Variants in RBFOX2 observed in about 807,000 individuals in gnomAD.
The protein encoded by RBFOX2 is RNA binding fox-1 homolog 2, also known as RNA binding protein fox-1 homolog 2.
In RBFOX2, 10 loss-of-function variants were observed where a neutral mutation model predicts 49.1. The observed-to-expected ratio is 0.20, with a 90% CI of 0.13 to 0.35. The LOEUF is 0.35. RBFOX2 is among the 10% of genes least tolerant of loss of function. The pLI is 1.00. For missense variants in RBFOX2, 323 were observed against 486.9 expected, an observed-to-expected ratio of 0.66 and a Z score of 3.17; for synonymous variants, 183 against 187.4, an observed-to-expected ratio of 0.98 and a Z score of 0.19.
In RBFOX2 at chr22:36,028,467, G is replaced by C. The variant is rs981134049; in HGVS notation, c.-42C>G. 27 of 1,156,362 alleles carry C rather than the reference G, an allele frequency of 2.3e-5. No individual in the cohort carries two copies. The South Asian group carries it at 4.7e-4, about 20-fold the overall frequency. The allele number at this position is 1,156,362 out of a possible 1,614,324, so 71.6% of individuals were successfully genotyped here. A position where few individuals can be genotyped will look rare whatever the true frequency, so the allele number is the denominator to read the frequency against. On this transcript the variant is annotated 5_prime_UTR_variant, in exon 1 of 14. Transcript: ENST00000438146. ...CGCCTCCGGGAGCCGGGCGACCCGCGACAGGCCACCTCCCCCTGGGCCTCG... is the reference window on the plus strand; with the variant it reads ...CGCCTCCGGGAGCCGGGCGACCCGCCACAGGCCACCTCCCCCTGGGCCTCG...
At position 35,979,852 on chromosome 22, in the gene RBFOX2, C is replaced by T. The variant is rs551877834; in HGVS notation, c.187-40955G>A. On this transcript the variant is annotated intron_variant, in intron 1 of 13. Transcript: ENST00000438146. ...AGTGTCAGTGCCATACTAACTCAGT[C>T]TGTCAAACTCTGGAGCCTTTAATCT... Among the ~76,000 whole-genome samples the T allele has an allele frequency of 5.9e-5, 9 of 152,332 alleles. No individual in the cohort carries two copies. In the South Asian group the frequency reaches 1.2e-3, roughly 21 times the overall value.
chr22:35,958,107 A>C (rs2055788068), intron 1 of RBFOX2, among the ~76,000 whole-genome samples: 1 of 152,210 alleles, frequency 6.6e-6, no homozygotes, highest in African/African-American at 2.4e-5. Flanking sequence ...TACCCCAAAA[A>C]AAGTCATTAT....
chr22:35,886,239 C>T (rs777772325), intron 1 of RBFOX2, among the ~76,000 whole-genome samples: 1 of 152,072 alleles, frequency 6.6e-6, no homozygotes, highest in Non-Finnish European at 1.5e-5. Context: ...CAACCAATAT[C>T]TGTGGAATGT....
chr22:36,002,158 G>T (rs2058452690), intron 1 of RBFOX2, among the ~76,000 whole-genome samples: 1 of 152,158 alleles, frequency 6.6e-6, no homozygotes, highest in African/African-American at 2.4e-5. Flanking sequence ...AAAAATGAAA[G>T]TACGGTAACA....
At chr22:35,927,906 T>C (rs916494192) in intron 1 of RBFOX2, among the ~76,000 whole-genome samples, 4 of 152,196 alleles carry the variant, frequency 2.6e-5, no homozygotes, top group African/African-American at 9.7e-5. Context: ...AGATAATTCA[T>C]TTCAAATAGT....
rs1432159114 is a variant in RBFOX2 at position 35,947,701 on chromosome 22, AT to A, written c.43-8805del. Reference sequence around the variant, plus strand: ...AAAAAAAAAAAAAAAAAAAAAAAAAATTAAAAATCTTAAAAAAACCTTATAG... The same window carrying A: ...AAAAAAAAAAAAAAAAAAAAAAAAAATAAAAATCTTAAAAAAACCTTATAG... On this transcript the variant is annotated intron_variant, in intron 1 of 5. Transcript: ENST00000408983. Among the ~76,000 whole-genome samples the A allele has an allele frequency of 6.7e-4, 96 of 143,502 alleles. 1 individual carries two copies. Among genetic ancestry groups the A allele is most frequent in the African/African-American group, 2.3e-3 (86 of 37,324 alleles). The allele number at this position is 143,502 out of a possible 152,430, so 94.1% of individuals were successfully genotyped here.
rs1047861108 is a variant in RBFOX2, at chr22:36,021,362, G to A, written c.186+6878C>T. ...GTATACATACATAACAAACCCGCAC[G>A]TTGTGCACACGTACCCTAGAACTTG... On this transcript the variant is annotated intron_variant, in intron 1 of 13. Transcript: ENST00000438146. Among the ~76,000 whole-genome samples the A allele has an allele frequency of 4.0e-5, 6 of 151,816 alleles. No individual in the cohort carries two copies. In the East Asian group the frequency reaches 5.8e-4, roughly 15 times the overall value.
At chr22:35,961,790 A>G, upstream of RBFOX2, 1 of 1,089,852 alleles carries the variant, frequency 9.2e-7, no homozygotes, top group Non-Finnish European at 1.2e-6. Flanking sequence ...CAGGAACCTG[A>G]GCTAAATTTA....
chr22:35,757,760 T>C (rs976700224), intron 9 of RBFOX2, among the ~76,000 whole-genome samples: 5 of 152,162 alleles, frequency 3.3e-5, no homozygotes, highest in African/African-American at 1.2e-4. Flanking sequence ...AGTTAAAGTC[T>C]GATATTAGAA....
At chr22:35,791,211 C>T (rs563508780) in intron 2 of RBFOX2, among the ~76,000 whole-genome samples, 1 of 151,984 alleles carries the variant, frequency 6.6e-6, no homozygotes, top group South Asian at 2.1e-4. Flanking sequence ...ATGGTGAAAC[C>T]TCGTCTCCAC....
intron 1 of RBFOX2, among the ~76,000 whole-genome samples, chr22:35,958,189 C>A (rs1190404129): frequency 6.6e-6 from 1 of 152,118 alleles, no homozygotes; most frequent in Non-Finnish European, 1.5e-5. Flanking sequence ...TCTCTTCACT[C>A]ACATTGCTAT....
chr22:35,802,604 C>T (rs1047790946), intron 2 of RBFOX2, among the ~76,000 whole-genome samples: 4 of 152,204 alleles, frequency 2.6e-5, no homozygotes, highest in Non-Finnish European at 5.9e-5. Context: ...TGACTTGGGA[C>T]AAGGGGGAGA....
intron 2 of RBFOX2, among the ~76,000 whole-genome samples, chr22:35,795,506 C>T (rs1207408483): frequency 6.6e-6 from 1 of 151,784 alleles, no homozygotes; most frequent in African/African-American, 2.4e-5. Context: ...TTTAGTGCAT[C>T]ACTAATCTGC....
At position 35,759,739 on chromosome 22, in the gene RBFOX2, T is replaced by C. The variant is rs186864366; in HGVS notation, c.887+149A>G. ...TCTGATGATGGTATATTTTGTTTTTTGTCATCTAATCTGTTAATTTGCAAA... is the reference window on the plus strand; with the variant it reads ...TCTGATGATGGTATATTTTGTTTTTCGTCATCTAATCTGTTAATTTGCAAA... On this transcript the variant is annotated intron_variant, in intron 9 of 11. Coordinates refer to ENST00000405409, the Ensembl canonical transcript of RBFOX2. The surrounding 1 kb of genome is among the most constrained non-coding windows in gnomAD (Gnocchi z 4.6). The C allele has an allele frequency of 3.4e-5, 37 of 1,083,040 alleles. No individual in the cohort carries two copies. The African/African-American group carries it at 5.5e-4, about 16-fold the overall frequency. The allele number at this position is 1,083,040 out of a possible 1,614,324, so 67.1% of individuals were successfully genotyped here.
At chr22:35,864,565 G>A (rs952005445) in intron 1 of RBFOX2, among the ~76,000 whole-genome samples, 1 of 152,072 alleles carries the variant, frequency 6.6e-6, no homozygotes, top group Admixed American at 6.6e-5. Context: ...ACCCCCAAAA[G>A]TAGAAATAAG....
chr22:35,833,033 T>C (rs1957074035), intron 1 of RBFOX2, among the ~76,000 whole-genome samples: 1 of 152,166 alleles, frequency 6.6e-6, no homozygotes, highest in South Asian at 2.1e-4. Context: ...TACGCATGTA[T>C]CAAAATATCA....
intron 1 of RBFOX2, among the ~76,000 whole-genome samples, chr22:35,955,071 T>C (rs534014934): frequency 6.6e-6 from 1 of 152,312 alleles, no homozygotes; most frequent in East Asian, 1.9e-4. Flanking sequence ...CCCTTCACAA[T>C]GTAATCCTCT....
chr22:35,825,380 A>C (rs1955438130), intron 1 of RBFOX2, among the ~76,000 whole-genome samples: 1 of 152,056 alleles, frequency 6.6e-6, no homozygotes, highest in Admixed American at 6.6e-5. Flanking sequence ...TGTAAAGAAA[A>C]AGTTAACTAA....
At chr22:35,839,887 C>T (rs533835280) in intron 1 of RBFOX2, among the ~76,000 whole-genome samples, 1 of 152,314 alleles carries the variant, frequency 6.6e-6, no homozygotes, top group Admixed American at 6.5e-5. Context: ...CTCTCCCTCC[C>T]TCTTCTCAGA....
Sources: gnomAD v4.1 joint callset for allele counts (sites outside exome capture counted in the v4.1 genomes callset) on GRCh38, gnomAD v4.1.1 for gene constraint, Gnocchi (gnomAD v3.1) non-coding constraint, MANE v1.5 for transcripts, NCBI Gene and HGNC (gene_info 2026-07-23, HGNC 2026-07-21) for gene names.